The following FARS2 variants were observed in gnomAD, a reference collection of about 807,000 sequenced individuals.
The protein encoded by FARS2 is phenylalanine--tRNA ligase, mitochondrial.
In FARS2, 40 loss-of-function variants were observed where a neutral mutation model predicts 46.4. That is an observed-to-expected ratio of 0.86 (90% CI 0.67 to 1.12). The LOEUF (loss-of-function observed/expected upper bound fraction) is 1.12. Among genes scored for constraint, FARS2 ranks in the 50% most tolerant of loss-of-function variants. FARS2 has a pLI of 0.00. For missense variants in FARS2, 513 were observed against 567.9 expected, an observed-to-expected ratio of 0.90 and a Z score of 0.98; for synonymous variants, 234 against 214.9, an observed-to-expected ratio of 1.09 and a Z score of -0.78.
intron 4 of FARS2, among the ~76,000 whole-genome samples, chr6:5,447,541 C>T (rs894427137): frequency 1.3e-5 from 2 of 152,140 alleles, no homozygotes; most frequent in Non-Finnish European, 2.9e-5. Flanking sequence ...TTTTAAAGAA[C>T]ATTATCCAGG....
Position 5,764,822 on chromosome 6 carries a change from A to G in FARS2, c.1218-6469A>G, listed in dbSNP as rs1254004615. On this transcript the variant is annotated intron_variant, in intron 6 of 6. Coordinates refer to ENST00000274680, the MANE Select transcript of FARS2 (RefSeq NM_006567.5). This position sits in a 1 kb window ranked among gnomAD's most constrained non-coding sequence, Gnocchi z 4.1. The stretch of plus-strand genomic sequence containing the variant: ...AGGGTAAACCAAGTGGTTGTATGAT[A>G]GAGGAATTCCAACCCTCGCTAACAC... Among the ~76,000 whole-genome samples, 1 of 152,184 alleles carries G rather than the reference A, an allele frequency of 6.6e-6. No homozygotes were observed. The highest frequency in any genetic ancestry group is 2.4e-5 in the African/African-American group (1 of 41,448).
At chr6:5,556,655 C>A (rs1441082044) in intron 5 of FARS2, among the ~76,000 whole-genome samples, 1 of 145,184 alleles carries the variant, frequency 6.9e-6, no homozygotes, top group Admixed American at 7.1e-5. Flanking sequence ...CTCCATATTT[C>A]TTTCTTGTTT....
chr6:5,716,896 C>G (rs1478372799), intron 6 of FARS2, among the ~76,000 whole-genome samples: 1 of 152,224 alleles, frequency 6.6e-6, no homozygotes, highest in Non-Finnish European at 1.5e-5. Context: ...TCTGGAGGCT[C>G]TCTATACACC....
chr6:5,385,406 TTTC>T (rs1760052541), intron 2 of FARS2, among the ~76,000 whole-genome samples: 1 of 148,188 alleles, frequency 6.7e-6, no homozygotes, highest in African/African-American at 2.5e-5. Flanking sequence ...GGCTTGGGAG[TTTC>T]TTTTCTTTTT....
chr6:5,276,013 A>G lies in FARS2; in HGVS notation c.-22+14353A>G, dbSNP rs575269099. ...TAGCACTAGAAGCATGGAAATGACT[A>G]TCATTTTAGCTCTGTTACTAGTCAC... On this transcript the variant is annotated intron_variant, in intron 1 of 6. Transcript: ENST00000274680. 2.6e-5 allele frequency among the ~76,000 whole-genome samples: 4 copies of G among 152,202 alleles called. No homozygotes were observed. The South Asian group carries it at 6.2e-4, about 24-fold the overall frequency.
chr6:5,426,763 C>T (rs1467795833), intron 3 of FARS2, among the ~76,000 whole-genome samples: 5 of 152,150 alleles, frequency 3.3e-5, no homozygotes, highest in Admixed American at 3.3e-4. Flanking sequence ...GTAGCTGGTA[C>T]TACAGGCATG....
chr6:5,700,165 C>T (rs771461860), intron 6 of FARS2, among the ~76,000 whole-genome samples: 4 of 152,178 alleles, frequency 2.6e-5, no homozygotes, highest in African/African-American at 4.8e-5. Flanking sequence ...CTACAAGTCA[C>T]GGAGACATAA....
At chr6:5,687,984 T>G (rs192117480) in intron 6 of FARS2, among the ~76,000 whole-genome samples, 2 of 152,218 alleles carry the variant, frequency 1.3e-5, no homozygotes, top group African/African-American at 4.8e-5. Context: ...AGTTCACTCA[T>G]GATTTGGCTC....
At chr6:5,583,056 T>G (rs1427325083) in intron 5 of FARS2, among the ~76,000 whole-genome samples, 1 of 152,210 alleles carries the variant, frequency 6.6e-6, no homozygotes, top group African/African-American at 2.4e-5. Context: ...TCTTTCATCA[T>G]TAGACCAGTG....
chr6:5,598,541 A>T (rs1774332045), intron 5 of FARS2, among the ~76,000 whole-genome samples: 2 of 152,240 alleles, frequency 1.3e-5, no homozygotes, highest in South Asian at 4.1e-4. Flanking sequence ...TTTCAGAAGT[A>T]ATCAACTCAG....
intron 2 of FARS2, among the ~76,000 whole-genome samples, chr6:5,392,755 CACACACACACACACAT>C (rs1394939601): frequency 1.2e-3 from 145 of 121,570 alleles, no homozygotes; most frequent in African/African-American, 7.2e-3. Context: ...CACACACACA[CACACACACACACACAT>C]GTATATATAT....
chr6:5,720,430 A>C (rs986408956), intron 6 of FARS2, among the ~76,000 whole-genome samples: 1 of 152,232 alleles, frequency 6.6e-6, no homozygotes, highest in African/African-American at 2.4e-5. Flanking sequence ...TTAATTGATC[A>C]GTTTTCCAGA....
chr6:5,606,538 G>T (rs1055603560), intron 5 of FARS2, among the ~76,000 whole-genome samples: 2 of 152,110 alleles, frequency 1.3e-5, no homozygotes, highest in African/African-American at 4.8e-5. Context: ...GAGCAGAAGT[G>T]AAAAAGAAGG....
chr6:5,661,514 G>A (rs931315696), intron 6 of FARS2, among the ~76,000 whole-genome samples: 4 of 152,168 alleles, frequency 2.6e-5, no homozygotes, highest in African/African-American at 9.7e-5. Flanking sequence ...AAATCTGCCT[G>A]GAACGTGGGG....
At chr6:5,461,520 AGCCAGTCCTGACTCTCT>A (rs928803416) in intron 4 of FARS2, among the ~76,000 whole-genome samples, 3 of 152,188 alleles carry the variant, frequency 2.0e-5, no homozygotes, top group African/African-American at 7.2e-5. Flanking sequence ...GCCCATGTGC[AGCCAGTCCTGACTCTCT>A]GCCAGCCCCA....
chr6:5,532,783 T>TAATAATAAGAAGAAG (rs894517533), intron 4 of FARS2, among the ~76,000 whole-genome samples: 6 of 138,668 alleles, frequency 4.3e-5, no homozygotes, highest in Admixed American at 1.4e-4. Context: ...ATAATAATAA[T>TAATAATAAGAAGAAG]AAGAAGAAGA....
chr6:5,452,971 G>A (rs1028870797), intron 4 of FARS2, among the ~76,000 whole-genome samples: 14 of 152,102 alleles, frequency 9.2e-5, no homozygotes, highest in African/African-American at 1.9e-4. Context: ...CAGGGTGTGC[G>A]GTGGGCAAAA....
At chr6:5,380,537 C>T (rs1407059838) in intron 2 of FARS2, among the ~76,000 whole-genome samples, 2 of 152,128 alleles carry the variant, frequency 1.3e-5, no homozygotes, top group African/African-American at 2.4e-5. Flanking sequence ...TTTCACATTT[C>T]GAGCTTGGTA....
intron 6 of FARS2, among the ~76,000 whole-genome samples, chr6:5,675,479 A>G (rs1410185539): frequency 1.3e-5 from 2 of 152,240 alleles, no homozygotes; most frequent in Admixed American, 6.5e-5. Context: ...TATTGTCTGC[A>G]GTAACTCTTT....
Sources: gnomAD v4.1 joint callset for allele counts (sites outside exome capture counted in the v4.1 genomes callset) on GRCh38, gnomAD v4.1.1 for gene constraint, Gnocchi (gnomAD v3.1) non-coding constraint, MANE v1.5 for transcripts, NCBI Gene and HGNC (gene_info 2026-07-23, HGNC 2026-07-21) for gene names.